Variants in PEAK1 observed in about 807,000 individuals in gnomAD.
The protein encoded by PEAK1 is pseudopodium enriched atypical kinase 1, also known as inactive tyrosine-protein kinase PEAK1.
A neutral mutation model predicts 124.7 loss-of-function variants in PEAK1; 54 were observed. That is an observed-to-expected ratio of 0.43 (90% CI 0.35 to 0.54). PEAK1 has a LOEUF of 0.54. Among genes scored for constraint, PEAK1 ranks in the 20% least tolerant of loss-of-function variants. The probability of loss-of-function intolerance (pLI) is 0.01; values close to 1 mark genes in which losing one functional copy is unlikely to be tolerated. For missense variants in PEAK1, 2,046 were observed against 2,134.5 expected (o/e 0.96, Z 0.82); for synonymous variants, 719 against 760.0 (o/e 0.95, Z 0.89).
At chr15:77,326,590 AT>A (rs768772743) in intron 2 of PEAK1, among the ~76,000 whole-genome samples, 116 of 152,276 alleles carry the variant, frequency 7.6e-4, no homozygotes, top group Non-Finnish European at 1.1e-3. Context: ...TATTTCTCTC[AT>A]CACAGAAACT....
Position 77,336,078 on chromosome 15 carries a change from T to C in PEAK1, c.-603+29085A>G, listed in dbSNP as rs1277984361. ...AAGAATAACAGTGCCATTAAAAGAC[T>C]GCTATGAAAGACTAAACAGTGAGTG... On this transcript the variant is annotated intron_variant, in intron 2 of 9. Transcript: ENST00000682557. The C allele has an allele frequency of 3.0e-6, 3 of 985,296 alleles. No individual in the cohort carries two copies. The African/African-American group carries it at 5.2e-5, about 17-fold the overall frequency. The allele number at this position is 985,296 out of a possible 1,614,324, so 61.0% of individuals were successfully genotyped here. A position where few individuals can be genotyped will look rare whatever the true frequency, so the allele number is the denominator to read the frequency against.
Position 77,179,442 on chromosome 15 carries a change from C to T in PEAK1, c.2485G>A (p.Ala829Thr), listed in dbSNP as rs1323562948. The part of the protein sequence containing the change: ...SLFTSQPSGE[A>T]EAPQTTDSPT... ...CTGTCTGTGGTCTGAGGTGCTTCAG[C>T]CTCACCACTAGGCTGAGATGTAAAG... Residue 829 changes from alanine to threonine, a missense_variant, in exon 7 of 10, where the codon GCT becomes ACT. Transcript: ENST00000682557. 1.2e-5 allele frequency: 20 copies of T among 1,613,984 alleles called. No homozygotes were observed. In the Admixed American group the frequency reaches 2.2e-4, roughly 17 times the overall value.
intron 6 of PEAK1, among the ~76,000 whole-genome samples, chr15:77,207,364 C>T (rs938586320): frequency 6.6e-6 from 1 of 152,094 alleles, no homozygotes; most frequent in African/African-American, 2.4e-5. Context: ...ACACAACCAA[C>T]AAAATCTCAA....
At chr15:77,279,439 C>A (rs2062542778) in intron 5 of PEAK1, among the ~76,000 whole-genome samples, 1 of 152,114 alleles carries the variant, frequency 6.6e-6, no homozygotes, top group African/African-American at 2.4e-5. Context: ...GGGATCTGAC[C>A]CCCAATAATT....
chr15:77,205,277 A>T (rs199716001), intron 6 of PEAK1, among the ~76,000 whole-genome samples: 30,650 of 139,084 alleles, frequency 0.22, 3,436 homozygotes, highest in Middle Eastern at 0.27. Context: ...CCTTTTTTTA[A>T]AAAAAAAAAA....
intron 2 of PEAK1, chr15:77,355,724 C>T: frequency 1.0e-6 from 1 of 977,818 alleles, no homozygotes. Context: ...TTTGGGGGGT[C>T]CAGATTAAAG....
rs551501418 is a variant in PEAK1 at position 77,231,627 on chromosome 15, T to A, written c.-115+20740A>T. 3.9e-5 allele frequency among the ~76,000 whole-genome samples: 6 copies of A among 152,296 alleles called. No individual in the cohort carries two copies. In the South Asian group the frequency reaches 1.2e-3, roughly 32 times the overall value. ...AAAGTTTTAGAGTATAATTTTCTTT[T>A]CAGATATGGTCAAAAACTTCAAATT... On this transcript the variant is annotated intron_variant, in intron 6 of 9. Coordinates refer to ENST00000682557, the MANE Select transcript of PEAK1 (RefSeq NM_001385026.1).
chr15:77,182,182 T>A, intron 6 of PEAK1, 142 bp from the exon 7 acceptor site: 1 of 717,700 alleles, frequency 1.4e-6, no homozygotes, highest in Non-Finnish European at 1.9e-6. Flanking sequence ...ATTTGTGTAC[T>A]TTGTAATTTC....
At chr15:77,344,926 T>A (rs1446521929) in intron 2 of PEAK1, among the ~76,000 whole-genome samples, 1 of 152,258 alleles carries the variant, frequency 6.6e-6, no homozygotes, top group Non-Finnish European at 1.5e-5. Flanking sequence ...ATTGTTTTAA[T>A]TCGAACCTGT....
At chr15:77,284,225 T>C (rs4886857) in intron 4 of PEAK1, among the ~76,000 whole-genome samples, 195 bp from the exon 5 acceptor site, 34,159 of 152,118 alleles carry the variant, frequency 0.22, 4,257 homozygotes, top group Middle Eastern at 0.31. Context: ...TACAGTGCCA[T>C]ACAAATGCGA....
chr15:77,349,899 C>T lies in PEAK1; in HGVS notation c.-603+15264G>A, dbSNP rs921314399. ...CAATATGGTATCTAAAAAACAGACACATTTACAATACATGTTTCTGAGTGT... is the reference window on the plus strand; with the variant it reads ...CAATATGGTATCTAAAAAACAGACATATTTACAATACATGTTTCTGAGTGT... On this transcript the variant is annotated intron_variant, in intron 2 of 9. Coordinates refer to ENST00000682557, the MANE Select transcript of PEAK1 (RefSeq NM_001385026.1). The T allele has an allele frequency of 8.1e-6, 8 of 984,806 alleles. No individual in the cohort carries two copies. The African/African-American group carries it at 1.2e-4, about 15-fold the overall frequency. The allele number at this position is 984,806 out of a possible 1,614,324, so 61.0% of individuals were successfully genotyped here.
intron 5 of PEAK1, among the ~76,000 whole-genome samples, chr15:77,267,407 C>T (rs991428503): frequency 3.9e-5 from 6 of 152,134 alleles, no homozygotes; most frequent in Non-Finnish European, 8.8e-5. Flanking sequence ...CCAATCAACA[C>T]AAAACCAGCT....
Position 77,109,579 on chromosome 15 carries a change from C to T in PEAK1, c.*4577G>A, listed in dbSNP as rs1040446496. Reference sequence around the variant, plus strand: ...GGCACCGTTTTTGGTCCATGGAATCCCCACTTTTGGCACTGCTGTAAGCAC... The same window carrying T: ...GGCACCGTTTTTGGTCCATGGAATCTCCACTTTTGGCACTGCTGTAAGCAC... On this transcript the variant is annotated 3_prime_UTR_variant, in exon 10 of 10. Transcript: ENST00000682557. 2 of 152,164 alleles carry T rather than the reference C, an allele frequency of 1.3e-5. No homozygotes were observed. The highest frequency in any genetic ancestry group is 2.9e-5 in the Non-Finnish European group (2 of 68,038). 9.4% of individuals were successfully genotyped at this position (152,164 alleles called of 1,614,324 possible).
intron 6 of PEAK1, among the ~76,000 whole-genome samples, chr15:77,241,192 T>A (rs2060341756): frequency 6.6e-6 from 1 of 152,102 alleles, no homozygotes; most frequent in Non-Finnish European, 1.5e-5. Flanking sequence ...TTTTTAAAAA[T>A]CCATAAATGT....
In PEAK1 at chr15:77,418,412, T is replaced by C. The variant is rs75487571; in HGVS notation, c.-666+1594A>G. 1.5e-3 allele frequency: 1,477 copies of C among 985,004 alleles called. 8 individuals are homozygous for C. The African/African-American group carries it at 0.018, about 12-fold the overall frequency. 61.0% of individuals were successfully genotyped at this position (985,004 alleles called of 1,614,324 possible). Reference sequence around the variant, plus strand: ...AAAGACATGATAAAATATTTCCCTTTCCCCCCCGACAGCAATGAAAAGGGG... The same window carrying C: ...AAAGACATGATAAAATATTTCCCTTCCCCCCCCGACAGCAATGAAAAGGGG... On this transcript the variant is annotated intron_variant, in intron 1 of 9. Coordinates refer to ENST00000682557, the MANE Select transcript of PEAK1 (RefSeq NM_001385026.1).
chr15:77,139,289 A>T (rs1201291744), intron 8 of PEAK1, among the ~76,000 whole-genome samples: 1 of 152,210 alleles, frequency 6.6e-6, no homozygotes, highest in African/African-American at 2.4e-5. Context: ...TACCTCCTGA[A>T]GGACATGCCT....
intron 2 of PEAK1, among the ~76,000 whole-genome samples, chr15:77,323,026 C>T (rs1326294250): frequency 1.3e-5 from 2 of 152,140 alleles, no homozygotes; most frequent in Non-Finnish European, 2.9e-5. Flanking sequence ...GAACCAAAGA[C>T]AAAAACCACA....
chr15:77,245,515 A>G (rs568791215), intron 6 of PEAK1, among the ~76,000 whole-genome samples: 24 of 152,234 alleles, frequency 1.6e-4, no homozygotes, highest in Non-Finnish European at 2.8e-4. Context: ...CCTGGCCAAC[A>G]TGATGAAACC....
chr15:77,351,851 T>C, intron 2 of PEAK1: 4 of 985,380 alleles, frequency 4.1e-6, no homozygotes, highest in Non-Finnish European at 4.8e-6. Context: ...GACAATTATT[T>C]CCGGGCATAC....
Sources: gnomAD v4.1 joint callset for allele counts (sites outside exome capture counted in the v4.1 genomes callset) on GRCh38, gnomAD v4.1.1 for gene constraint, MANE v1.5 for transcripts, NCBI Gene and HGNC (gene_info 2026-07-23, HGNC 2026-07-21) for gene names.